BCAS3: variants seen among roughly 807,000 people sequenced by gnomAD.
The protein encoded by BCAS3 is BCAS4/BCAS3 fusion.
In BCAS3, 53 loss-of-function variants were observed where a neutral mutation model predicts 116.1. The observed-to-expected ratio is 0.46, with a 90% confidence interval of 0.37 to 0.57. BCAS3 has a LOEUF of 0.57. Among genes scored for constraint, BCAS3 ranks in the 20% least tolerant of loss-of-function variants. The pLI, the probability that BCAS3 is intolerant of heterozygous loss-of-function variation, is 0.00. For synonymous variants in BCAS3, 391 were observed against 408.2 expected, an observed-to-expected ratio of 0.96 and a Z score of 0.51; for missense variants, 917 against 1,165.4, an observed-to-expected ratio of 0.79 and a Z score of 3.10.
At chr17:60,959,961 C>T (rs2061335785) in intron 14 of BCAS3, among the ~76,000 whole-genome samples, 1 of 152,140 alleles carries the variant, frequency 6.6e-6, no homozygotes, top group South Asian at 2.1e-4. Flanking sequence ...TGAGTCAGCT[C>T]CTCTTCTGTA....
Position 61,348,368 on chromosome 17 carries a change from C to T in BCAS3, c.2426-19959C>T, listed in dbSNP as rs530475027. 1.3e-5 allele frequency among the ~76,000 whole-genome samples: 2 copies of T among 152,242 alleles called. No homozygotes were observed. Among genetic ancestry groups the T allele is most frequent in the South Asian group, 2.1e-4 (1 of 4,824 alleles). On this transcript the variant is annotated intron_variant, in intron 22 of 23. Coordinates refer to ENST00000407086, the MANE Select transcript of BCAS3 (RefSeq NM_017679.5). This position sits in a 1 kb window ranked among gnomAD's most constrained non-coding sequence, Gnocchi z 4.5. ...ATCCAAGTGAGGGTGCTTGGTCTTACGCAGATGGTTTTGGAGCCCAGGAGA... is the reference window on the plus strand; with the variant it reads ...ATCCAAGTGAGGGTGCTTGGTCTTATGCAGATGGTTTTGGAGCCCAGGAGA...
rs769133578 is a variant in BCAS3 at position 60,951,764 on chromosome 17, C to CTTTTTTT, written c.1221+4428_1221+4434dup. 5.6e-4 allele frequency among the ~76,000 whole-genome samples: 61 copies of CTTTTTTT among 109,548 alleles called. 1 individual carries two copies. Among genetic ancestry groups the CTTTTTTT allele is most frequent in the African/African-American group, 1.3e-3 (34 of 26,660 alleles). 71.9% of individuals were successfully genotyped at this position (109,548 alleles called of 152,430 possible). A position where few individuals can be genotyped will look rare whatever the true frequency, so the allele number is the denominator to read the frequency against. ...AGGGTCTTGGCATTTTCTTTTCTTTCTTTTTTTTTTTTTTTTTTTTTTCTT... is the reference window on the plus strand; with the variant it reads ...AGGGTCTTGGCATTTTCTTTTCTTTCTTTTTTTTTTTTTTTTTTTTTTTTTTTTTCTT... On this transcript the variant is annotated intron_variant, in intron 14 of 23. Coordinates refer to ENST00000407086, the MANE Select transcript of BCAS3 (RefSeq NM_017679.5).
intron 6 of BCAS3, among the ~76,000 whole-genome samples, chr17:60,784,833 C>T (rs1171552346): frequency 2.6e-5 from 4 of 152,014 alleles, no homozygotes; most frequent in Non-Finnish European, 5.9e-5. Flanking sequence ...CAGTGGCTCA[C>T]GCCTGTAATC....
At chr17:61,117,134 A>G (rs1301803609) in intron 22 of BCAS3, among the ~76,000 whole-genome samples, 2 of 152,218 alleles carry the variant, frequency 1.3e-5, no homozygotes, top group Admixed American at 6.5e-5. Flanking sequence ...GAAATGCTAC[A>G]TATTTCATTA....
chr17:61,157,612 G>A (rs767380276), intron 22 of BCAS3: 27 of 50,262 alleles, frequency 5.4e-4, no homozygotes, highest in South Asian at 1.0e-3. Context: ...CCCCCCACCC[G>A]CCCCCATTCC....
intron 14 of BCAS3, among the ~76,000 whole-genome samples, chr17:60,977,045 G>A (rs984259882): frequency 6.6e-6 from 1 of 151,966 alleles, no homozygotes; most frequent in Non-Finnish European, 1.5e-5. Flanking sequence ...CCTCCCAGAC[G>A]GGGTGGCGGC....
intron 5 of BCAS3, among the ~76,000 whole-genome samples, chr17:60,727,998 G>A (rs954587820): frequency 2.6e-5 from 4 of 151,752 alleles, no homozygotes; most frequent in African/African-American, 9.7e-5. Flanking sequence ...TTGTAGAGAT[G>A]GGGTTTCGCC....
chr17:61,386,802 T>G (rs866774980), intron 23 of BCAS3, among the ~76,000 whole-genome samples: 4 of 148,554 alleles, frequency 2.7e-5, no homozygotes, highest in Admixed American at 1.3e-4. Context: ...TTTTGTTTTT[T>G]TTTTTTTTTT....
At chr17:61,383,075 G>C (rs1838680959) in intron 23 of BCAS3, 1 of 152,236 alleles carries the variant, frequency 6.6e-6, no homozygotes, top group Non-Finnish European at 1.5e-5. Context: ...TCTGGGCCTT[G>C]TCTGTTAGAC....
rs77354738 is a variant in BCAS3, at chr17:61,337,384, G to A, written c.2426-30943G>A. On this transcript the variant is annotated intron_variant, in intron 22 of 23. Transcript: ENST00000407086. The surrounding 1 kb of genome is among the most constrained non-coding windows in gnomAD (Gnocchi z 4.8). ...CCGTTGTAAATAAACCATTAGCTGG[G>A]GGCCTCACCTCAGGAAGCAATTTAA... is the stretch of plus-strand genomic sequence containing the variant. Among the ~76,000 whole-genome samples the A allele has an allele frequency of 0.021, 3,267 of 152,238 alleles. 134 individuals carry two copies. Among genetic ancestry groups the A allele is most frequent in the African/African-American group, 0.074 (3,091 of 41,534 alleles).
chr17:61,206,692 T>G (rs984257356), intron 22 of BCAS3, among the ~76,000 whole-genome samples: 1 of 150,532 alleles, frequency 6.6e-6, no homozygotes, highest in Non-Finnish European at 1.5e-5. Context: ...TCTCAGCTAC[T>G]CGGGAGGCTG....
chr17:60,916,734 C>T (rs1168120806), intron 12 of BCAS3, among the ~76,000 whole-genome samples: 1 of 152,158 alleles, frequency 6.6e-6, no homozygotes, highest in Non-Finnish European at 1.5e-5. Context: ...ATTTATGCTA[C>T]AGTGGACACA....
chr17:60,762,732 A>G (rs534009598), intron 6 of BCAS3, among the ~76,000 whole-genome samples: 25 of 152,102 alleles, frequency 1.6e-4, no homozygotes, highest in Non-Finnish European at 3.2e-4. Context: ...CCAATTCTGT[A>G]AAGAAAGTCA....
chr17:60,700,996 C>A (rs1004771999), intron 4 of BCAS3, among the ~76,000 whole-genome samples: 1 of 151,984 alleles, frequency 6.6e-6, no homozygotes, highest in African/African-American at 2.4e-5. Flanking sequence ...GTAATCCCAG[C>A]ACTTTGGGAG....
intron 22 of BCAS3, among the ~76,000 whole-genome samples, chr17:61,160,915 A>G (rs1186832101): frequency 6.6e-6 from 1 of 152,158 alleles, no homozygotes; most frequent in Non-Finnish European, 1.5e-5. Context: ...TCTGACCCAC[A>G]AATGTAACCA....
At chr17:60,921,299 A>G (rs566220596) in intron 12 of BCAS3, among the ~76,000 whole-genome samples, 7 of 152,304 alleles carry the variant, frequency 4.6e-5, no homozygotes, top group South Asian at 2.1e-4. Flanking sequence ...AAGCAAATCA[A>G]TGGAGAAATG....
chr17:61,249,643 G>A lies in BCAS3; in HGVS notation c.2426-118684G>A, dbSNP rs144410936. On this transcript the variant is annotated intron_variant, in intron 22 of 23. Coordinates refer to ENST00000407086, the MANE Select transcript of BCAS3 (RefSeq NM_017679.5). The surrounding 1 kb of genome is among the most constrained non-coding windows in gnomAD (Gnocchi z 6.2). ...AAGAGTTTTCCCTTAACTGATCTAA[G>A]GGAAAATTCTTTTTCTCGTGTTGTT... is the stretch of plus-strand genomic sequence containing the variant. 1.8e-4 allele frequency among the ~76,000 whole-genome samples: 28 copies of A among 152,196 alleles called. No individual in the cohort carries two copies. The highest frequency in any genetic ancestry group is 6.3e-4 in the African/African-American group (26 of 41,534).
chr17:61,351,267 T>C (rs1219877175), intron 22 of BCAS3, among the ~76,000 whole-genome samples: 1 of 152,212 alleles, frequency 6.6e-6, no homozygotes, highest in Non-Finnish European at 1.5e-5. Flanking sequence ...GCATTGCTGG[T>C]GACTTCCCAT....
chr17:60,965,870 G>A (rs1269888372), intron 14 of BCAS3, among the ~76,000 whole-genome samples: 1 of 152,206 alleles, frequency 6.6e-6, no homozygotes, highest in Admixed American at 6.5e-5. Flanking sequence ...GATCTGGTGT[G>A]TAGTTTAACT....
Sources: allele counts gnomAD v4.1 joint callset (sites outside exome capture counted in the v4.1 genomes callset), GRCh38; gene constraint gnomAD v4.1.1; non-coding constraint Gnocchi (gnomAD v3.1); transcripts MANE v1.5; gene names NCBI Gene and HGNC (gene_info 2026-07-23, HGNC 2026-07-21).